The following PDE4B variants were observed in gnomAD, a reference collection of about 807,000 sequenced individuals.
The protein encoded by PDE4B is phosphodiesterase 4B, also known as 3',5'-cyclic-AMP phosphodiesterase 4B.
In PDE4B, 20 loss-of-function variants were observed where a neutral mutation model predicts 82.2. The observed-to-expected ratio is 0.24, with a 90% CI of 0.17 to 0.35. PDE4B has a LOEUF of 0.35. PDE4B is among the 10% of genes least tolerant of loss of function. The probability of loss-of-function intolerance (pLI) is 1.00; values close to 1 mark genes in which losing one functional copy is unlikely to be tolerated. For synonymous variants in PDE4B, 320 were observed against 318.9 expected (o/e 1.00, Z -0.04); for missense variants, 655 against 907.2 (o/e 0.72, Z 3.57).
intron 3 of PDE4B, among the ~76,000 whole-genome samples, chr1:65,957,523 C>T (rs1455716972): frequency 6.6e-6 from 1 of 152,044 alleles, no homozygotes; most frequent in Non-Finnish European, 1.5e-5. Context: ...GTGAGTTCTT[C>T]CTGCTCCTGT....
chr1:66,289,111 A>G (rs928742962), intron 7 of PDE4B, among the ~76,000 whole-genome samples: 14 of 152,162 alleles, frequency 9.2e-5, no homozygotes, highest in African/African-American at 2.9e-4. Flanking sequence ...AATAAAAATA[A>G]AAATAAAATA....
At chr1:66,130,947 T>C (rs1645928694) in intron 3 of PDE4B, among the ~76,000 whole-genome samples, 1 of 152,218 alleles carries the variant, frequency 6.6e-6, no homozygotes. Flanking sequence ...TGAAGTTTTA[T>C]TATTTCACCC....
chr1:66,185,058 C>T (rs1445460389), intron 3 of PDE4B, among the ~76,000 whole-genome samples: 1 of 151,980 alleles, frequency 6.6e-6, no homozygotes, highest in Non-Finnish European at 1.5e-5. Flanking sequence ...TCTCATTGTT[C>T]AATTCCCACC....
chr1:66,334,083 A>G (rs1416517576), intron 8 of PDE4B, among the ~76,000 whole-genome samples: 3 of 152,184 alleles, frequency 2.0e-5, no homozygotes, highest in African/African-American at 7.2e-5. Flanking sequence ...GCTTGAGCCT[A>G]CTTTGGAGCA....
At chr1:66,146,426 T>C (rs1433064479) in intron 3 of PDE4B, among the ~76,000 whole-genome samples, 1 of 152,060 alleles carries the variant, frequency 6.6e-6, no homozygotes, top group Non-Finnish European at 1.5e-5. Context: ...CCTTGTGATC[T>C]GCCCATCTCG....
intron 3 of PDE4B, among the ~76,000 whole-genome samples, chr1:65,976,283 G>A (rs1394928055): frequency 1.3e-5 from 2 of 152,198 alleles, no homozygotes; most frequent in East Asian, 1.9e-4. Flanking sequence ...AGACTGGCAC[G>A]GTGCCTGTAG....
chr1:65,812,093 T>C (rs763169581), intron 1 of PDE4B, among the ~76,000 whole-genome samples: 40 of 152,188 alleles, frequency 2.6e-4, no homozygotes, highest in Non-Finnish European at 5.3e-4. Flanking sequence ...TTGTGGTGGC[T>C]CAAGGGCTAG....
At chr1:65,983,724 T>C (rs1017732079) in intron 3 of PDE4B, among the ~76,000 whole-genome samples, 2 of 152,282 alleles carry the variant, frequency 1.3e-5, no homozygotes, top group African/African-American at 4.8e-5. Context: ...ATTTTGGAAG[T>C]CTAGCTTCCA....
chr1:66,313,522 C>T (rs1379250839), intron 7 of PDE4B, among the ~76,000 whole-genome samples: 3 of 152,208 alleles, frequency 2.0e-5, no homozygotes, highest in African/African-American at 7.2e-5. Context: ...TAAATACAGT[C>T]AGTCTCTAAG....
intron 1 of PDE4B, among the ~76,000 whole-genome samples, chr1:65,824,050 A>AC: frequency 6.6e-6 from 1 of 151,622 alleles, no homozygotes; most frequent in East Asian, 1.9e-4. Context: ...CTTCATTCTC[A>AC]CCCCCCATCT....
intron 3 of PDE4B, among the ~76,000 whole-genome samples, chr1:65,987,620 T>A (rs923669707): frequency 6.6e-6 from 1 of 151,580 alleles, no homozygotes; most frequent in Admixed American, 6.6e-5. Flanking sequence ...GATTTATTTA[T>A]TTTTTTTTGA....
chr1:66,108,308 G>T (rs889083421), intron 3 of PDE4B, among the ~76,000 whole-genome samples: 1 of 151,734 alleles, frequency 6.6e-6, no homozygotes, highest in African/African-American at 2.4e-5. Flanking sequence ...CATCCACTTG[G>T]ATTAAAAACT....
intron 3 of PDE4B, among the ~76,000 whole-genome samples, chr1:66,057,661 G>A (rs1354835137): frequency 2.6e-5 from 4 of 152,206 alleles, no homozygotes; most frequent in Admixed American, 6.5e-5. Flanking sequence ...CAGGCAAAGA[G>A]AGACCTTGTG....
intron 1 of PDE4B, among the ~76,000 whole-genome samples, chr1:65,885,809 A>G (rs1646767731): frequency 6.6e-6 from 1 of 151,392 alleles, no homozygotes; most frequent in Non-Finnish European, 1.5e-5. Flanking sequence ...ATGTATACAT[A>G]TGTAACAAAC....
chr1:65,941,441 C>T (rs534373138), intron 3 of PDE4B, among the ~76,000 whole-genome samples: 5 of 151,978 alleles, frequency 3.3e-5, no homozygotes, highest in South Asian at 2.1e-4. Context: ...GAGAGCATGA[C>T]GAGGCCAGAG....
At chr1:66,062,378 TACTC>T (rs1022978219) in intron 3 of PDE4B, among the ~76,000 whole-genome samples, 2 of 152,074 alleles carry the variant, frequency 1.3e-5, no homozygotes, top group African/African-American at 4.8e-5. Flanking sequence ...CTTTGAAAGA[TACTC>T]AGGGAGACAA....
intron 1 of PDE4B, among the ~76,000 whole-genome samples, chr1:65,809,230 C>G (rs999113874): frequency 1.4e-5 from 2 of 145,452 alleles, no homozygotes; most frequent in African/African-American, 5.1e-5. Flanking sequence ...ACTTGGGAGG[C>G]TTAAGCAGGA....
chr1:66,019,070 A>G (rs1445701849), intron 3 of PDE4B, among the ~76,000 whole-genome samples: 1 of 152,152 alleles, frequency 6.6e-6, no homozygotes, highest in Admixed American at 6.5e-5. Context: ...TGATATGATG[A>G]CATATAGTTT....
At chr1:65,993,086 G>T in intron 3 of PDE4B, 1 of 1,613,774 alleles carries the variant, frequency 6.2e-7, no homozygotes, top group Non-Finnish European at 8.5e-7. Flanking sequence ...TTTTCAGAAA[G>T]TTGCTGGTGA....
Sources: allele counts gnomAD v4.1 joint callset (sites outside exome capture counted in the v4.1 genomes callset), GRCh38; gene constraint gnomAD v4.1.1; transcripts MANE v1.5; gene names NCBI Gene and HGNC (gene_info 2026-07-23, HGNC 2026-07-21).